DSC1: variants seen among roughly 807,000 people sequenced by gnomAD.
DSC1 encodes the protein desmocollin 1.
In DSC1, 79 loss-of-function variants were observed where a neutral mutation model predicts 98.8. That is an observed-to-expected ratio of 0.80 (90% CI 0.67 to 0.96). DSC1 has a LOEUF of 0.96. DSC1 is among the 50% of genes least tolerant of loss of function. DSC1 has a pLI of 0.00. For missense variants in DSC1, 1,115 were observed against 1,075.9 expected, an observed-to-expected ratio of 1.04 and a Z score of -0.51; for synonymous variants, 405 against 372.1, an observed-to-expected ratio of 1.09 and a Z score of -1.02.
intron 11 of DSC1, among the ~76,000 whole-genome samples, chr18:31,138,722 C>G (rs1988665289): frequency 6.7e-6 from 1 of 149,750 alleles, no homozygotes; most frequent in Non-Finnish European, 1.5e-5. Context: ...ATACAGTCAA[C>G]CATTCCTTCT....
chr18:31,154,926 G>A lies in DSC1; in HGVS notation c.475C>T (p.Gln159Ter). 1.2e-6 allele frequency: 2 copies of A among 1,612,240 alleles called. No homozygotes were observed. The highest frequency in any genetic ancestry group is 1.7e-6 in the Non-Finnish European group (2 of 1,179,550). ...GTGTAATTCTGTGCAGCATCAGATT[G>A]GATCTGCAGTAATAATTTAGGAATA... ...GPFPQHVQQI[Q>*]SDAAQNYTIF... is the part of the protein sequence containing the mutation. Residue 159 changes from glutamine to a stop codon, truncating the protein, a stop_gained, in exon 5 of 16, where the codon CAA becomes TAA. Coordinates refer to ENST00000257198, the MANE Select transcript of DSC1 (RefSeq NM_024421.2). LOFTEE classifies it high-confidence loss of function.
intron 11 of DSC1, among the ~76,000 whole-genome samples, chr18:31,137,770 G>A (rs1408380125): frequency 6.6e-6 from 1 of 152,102 alleles, no homozygotes; most frequent in East Asian, 1.9e-4. Context: ...ATTTGAAGAA[G>A]TTAAGGGGCC....
At chr18:31,151,382 A>T (rs1389327125) in intron 5 of DSC1, among the ~76,000 whole-genome samples, 3 of 152,224 alleles carry the variant, frequency 2.0e-5, no homozygotes, top group East Asian at 1.9e-4. Context: ...AGAGTAACTC[A>T]TTATAAATAT....
Position 31,154,873 on chromosome 18 carries a change from G to A in DSC1, c.528C>T (p.Gly176=), listed in dbSNP as rs146108992. The change falls in exon 5 of 16, where the codon GGC becomes GGT. Residue 176 remains glycine, a synonymous_variant. Transcript: ENST00000257198. ...ACAAATTGAAGGGTTCTTTGTCCAC[G>A]CCTGGCCCACTTATGGAATAAAAGA... ...YTIFYSISGP[G]VDKEPFNLFY... 1.7e-4 allele frequency: 268 copies of A among 1,613,938 alleles called. 1 individual carries two copies. The African/African-American group carries it at 2.1e-3, about 13-fold the overall frequency.
chr18:31,160,366 G>T (rs1158337259), intron 1 of DSC1, among the ~76,000 whole-genome samples: 1 of 152,090 alleles, frequency 6.6e-6, no homozygotes, highest in Non-Finnish European at 1.5e-5. Flanking sequence ...AGTAGAGCTA[G>T]GTTTTCCAGA....
At chr18:31,144,936 C>CT (rs200787420) in intron 7 of DSC1, among the ~76,000 whole-genome samples, 2,774 of 95,052 alleles carry the variant, frequency 0.029, 105 homozygotes, top group African/African-American at 0.037. Flanking sequence ...TTTTCTTTTT[C>CT]TTTCTTTTTT....
At position 31,162,449 on chromosome 18, in the gene DSC1, C is replaced by T. The variant is rs181341638; in HGVS notation, c.63+83G>A. On this transcript the variant is annotated intron_variant, in intron 1 of 15. Transcript: ENST00000257198. ...CTCTTCTCTGCCTCCCATCCTCACT[C>T]CTAGTCTCTTTCAAGCCCAAACTGC... 5,955 of 1,323,474 alleles carry T rather than the reference C, an allele frequency of 4.5e-3. 33 individuals are homozygous for T. Among genetic ancestry groups the T allele is most frequent in the Middle Eastern group, 0.013 (71 of 5,432 alleles). 82.0% of individuals were successfully genotyped at this position (1,323,474 alleles called of 1,614,324 possible). A position where few individuals can be genotyped will look rare whatever the true frequency, so the allele number is the denominator to read the frequency against.
intron 3 of DSC1, among the ~76,000 whole-genome samples, chr18:31,156,906 C>G (rs2118343): frequency 0.65 from 98,443 of 151,968 alleles, 32,266 homozygotes; most frequent in East Asian, 0.81. Context: ...GAAGAGAGGG[C>G]CTGCCCTATA....
rs144984328 is a variant in DSC1, at chr18:31,140,069, G to A, written c.1493C>T (p.Pro498Leu). 3.8e-4 allele frequency: 611 copies of A among 1,613,752 alleles called. 1 individual carries two copies. The highest frequency in any genetic ancestry group is 4.0e-4 in the Non-Finnish European group (475 of 1,179,894). The change falls in exon 10 of 16, where the codon CCG becomes CTG. Residue 498 changes from proline to leucine, a missense_variant. Coordinates refer to ENST00000257198, the MANE Select transcript of DSC1 (RefSeq NM_024421.2). ...QELLGYKALD[P>L]EISSGEGLRY... ...TAAGCCTTCACCACTGGATATTTCC[G>A]GGTCCAGTGCTTTGTATCCAAGGAG...
chr18:31,160,586 A>G (rs1237155228), intron 1 of DSC1, among the ~76,000 whole-genome samples: 1 of 152,220 alleles, frequency 6.6e-6, no homozygotes, highest in Non-Finnish European at 1.5e-5. Flanking sequence ...TTAGGCAGAA[A>G]TCTGGAATTA....
At chr18:31,144,535 T>C (rs1988801688) in intron 7 of DSC1, among the ~76,000 whole-genome samples, 1 of 152,128 alleles carries the variant, frequency 6.6e-6, no homozygotes, top group Admixed American at 6.5e-5. Context: ...ATTTCAACTA[T>C]ATGACATTCT....
intron 3 of DSC1, among the ~76,000 whole-genome samples, chr18:31,156,613 G>A (rs1989103422): frequency 1.3e-5 from 2 of 152,186 alleles, no homozygotes; most frequent in African/African-American, 4.8e-5. Context: ...ATTTTACAAT[G>A]TGGATATAAA....
chr18:31,150,671 C>T (rs72926587), intron 5 of DSC1: 33,928 of 152,682 alleles, frequency 0.22, 4,313 homozygotes, highest in East Asian at 0.56. Context: ...GTATCAACAT[C>T]AGTCACCCTT....
At chr18:31,160,450 G>A (rs112548351) in intron 1 of DSC1, among the ~76,000 whole-genome samples, 19 of 152,192 alleles carry the variant, frequency 1.2e-4, no homozygotes, top group Admixed American at 5.2e-4. Context: ...CATTACTTGC[G>A]AGGAGGAAAG....
Position 31,134,034 on chromosome 18 carries a change from T to C in DSC1, c.1973A>G (p.His658Arg). ...GTCACATACTCTCACTGTTAACATA[T>C]GTGTTGCAACTAAACCATGCCTGTC... is the stretch of plus-strand genomic sequence containing the variant. ...IKDRHGLVATHMLTVRVCDCS... is the reference protein window; with the variant it reads ...IKDRHGLVATRMLTVRVCDCS... Residue 658 changes from histidine to arginine, a missense_variant, in exon 13 of 16, where the codon CAT becomes CGT. Transcript: ENST00000257198. 1.2e-6 allele frequency: 2 copies of C among 1,613,014 alleles called. No individual in the cohort carries two copies. Among genetic ancestry groups the C allele is most frequent in the South Asian group, 2.2e-5 (2 of 91,064 alleles).
intron 9 of DSC1, among the ~76,000 whole-genome samples, chr18:31,141,283 A>G (rs943597816): frequency 4.6e-5 from 7 of 152,218 alleles, no homozygotes; most frequent in Non-Finnish European, 8.8e-5. Context: ...GAAAAAGTAG[A>G]CAGTACAATA....
intron 13 of DSC1, 71 bp downstream of exon 13, chr18:31,133,820 T>A (rs1226580975): frequency 3.4e-6 from 5 of 1,462,690 alleles, no homozygotes. Context: ...TATAAAAAAC[T>A]TCCATGTTTT....
At chr18:31,150,288 C>G (rs59243352) in intron 5 of DSC1, among the ~76,000 whole-genome samples, 10 of 74,592 alleles carry the variant, frequency 1.3e-4, no homozygotes, top group Non-Finnish European at 1.8e-4. Flanking sequence ...ATCACCACCA[C>G]CACCACTACC....
chr18:31,140,651 T>C (rs1275574715), intron 9 of DSC1, among the ~76,000 whole-genome samples: 1 of 152,230 alleles, frequency 6.6e-6, no homozygotes, highest in East Asian at 1.9e-4. Context: ...GACAACTAAA[T>C]TGCCTCCAAA....
Sources: gnomAD v4.1 joint callset for allele counts (sites outside exome capture counted in the v4.1 genomes callset) on GRCh38, gnomAD v4.1.1 for gene constraint, MANE v1.5 for transcripts, NCBI Gene and HGNC (gene_info 2026-07-23, HGNC 2026-07-21) for gene names.